C10orf120: variants seen among roughly 807,000 people sequenced by gnomAD.
C10orf120 encodes chromosome 10 open reading frame 120.
In C10orf120, 15 loss-of-function variants were observed where a neutral mutation model predicts 10.8. The ratio of observed to expected loss-of-function variants is 1.39; its 90% CI spans 0.93 to 2.14. The LOEUF (loss-of-function observed/expected upper bound fraction) is 2.14. Ranked by LOEUF, C10orf120 falls within the 30% of genes most tolerant of loss-of-function variation. The pLI is 0.00. For missense variants in C10orf120, 447 were observed against 411.3 expected, an observed-to-expected ratio of 1.09 and a Z score of -0.75; for synonymous variants, 141 against 138.9, an observed-to-expected ratio of 1.02 and a Z score of -0.11.
chr10:122,699,567 C>T (rs1411263174), intron 1 of C10orf120, 48 bp downstream of exon 1: 1 of 1,548,624 alleles, frequency 6.5e-7, no homozygotes, highest in East Asian at 2.3e-5. Context: ...GGCTTCTCCA[C>T]TTGGCCTCTT....
intron 2 of C10orf120, 83 bp downstream of exon 2, chr10:122,699,254 T>C: frequency 2.4e-6 from 2 of 834,260 alleles, no homozygotes; most frequent in South Asian, 3.1e-5. Context: ...CTGTTACTGG[T>C]GGCTTCTGAA....
Position 122,698,349 on chromosome 10 carries a change from G to A in C10orf120, c.392C>T (p.Ser131Phe), listed in dbSNP as rs1845818684. 2.5e-6 allele frequency: 4 copies of A among 1,614,236 alleles called. No homozygotes were observed. The South Asian group carries it at 3.3e-5, about 13-fold the overall frequency. The change falls in exon 3 of 3, where the codon TCT (serine) becomes TTT (phenylalanine). Residue 131 changes from serine (S) to phenylalanine (F), a missense_variant. Physicochemically the swap from Ser to Phe is radical, Grantham distance 155. Transcript: ENST00000329446. ...TAGGGGTACACAAATAGCACAAGGA[G>A]AGGAATGTTTCTTTTTATACTCCAT... Reference protein sequence around the residue: ...QAMEYKKKHSSPCAICVPLEK... With the variant: ...QAMEYKKKHSFPCAICVPLEK...
In C10orf120 at chr10:122,697,978, A is replaced by G; in HGVS notation, c.763T>C (p.Cys255Arg). The change falls in exon 3 of 3, where the codon TGT becomes CGT. Residue 255 changes from cysteine (C) to arginine (R), a missense_variant. Cys to Arg is a radical substitution (Grantham distance 180). Transcript: ENST00000329446. ...CGATCATTTCCATGGTATGTTAAAC[A>G]TTTTTTTGGTTCTTTTGACTTGAAA... Reference protein sequence around the residue: ...VVFKSKEPKKCLTYHGNDRKS... With the variant: ...VVFKSKEPKKRLTYHGNDRKS... The G allele has an allele frequency of 6.2e-7, 1 of 1,609,806 alleles. No homozygotes were observed.
rs1845809624 is a variant in C10orf120 at position 122,697,964 on chromosome 10, A to G, written c.777T>C (p.His259=). 2.5e-6 allele frequency: 4 copies of G among 1,613,042 alleles called. No homozygotes were observed. The highest frequency in any genetic ancestry group is 3.4e-6 in the Non-Finnish European group (4 of 1,179,760). Residue 259 remains histidine (H), a synonymous_variant, in exon 3 of 3, where the codon CAT becomes CAC. Transcript: ENST00000329446. ...GGAGGAATGATTTGCGATCATTTCCATGGTATGTTAAACATTTTTTTGGTT... is the reference window on the plus strand; with the variant it reads ...GGAGGAATGATTTGCGATCATTTCCGTGGTATGTTAAACATTTTTTTGGTT... The part of the protein sequence containing the change: ...SKEPKKCLTY[H]GNDRKSFLPA...
intron 2 of C10orf120, among the ~76,000 whole-genome samples, 168 bp downstream of exon 2, chr10:122,699,169 A>AAAAAAAAAAAT (rs1845827571): frequency 6.7e-6 from 1 of 148,608 alleles, no homozygotes. Context: ...AAAAAAAAAA[A>AAAAAAAAAAAT]GAGTATTTTG....
chr10:122,698,107 C>G lies in C10orf120; in HGVS notation c.634G>C (p.Glu212Gln), dbSNP rs1591669915. ...CAATTATGGGTGTCATAGTTGTCTT[C>G]CTTTCGTCTGGCCTTATTTTTTGCC... Reference protein sequence around the residue: ...PMAKNKARRKEDNYDTHNCDD... With the variant: ...PMAKNKARRKQDNYDTHNCDD... The change falls in exon 3 of 3, where the codon GAA becomes CAA. Residue 212 changes from glutamate to glutamine, a missense_variant. Transcript: ENST00000329446. The G allele has an allele frequency of 6.2e-7, 1 of 1,613,806 alleles. No homozygotes were observed. The highest frequency in any genetic ancestry group is 1.3e-5 in the African/African-American group (1 of 74,880).
chr10:122,698,625 T>C, intron 2 of C10orf120, 137 bp from the exon 3 acceptor site: 1 of 763,214 alleles, frequency 1.3e-6, no homozygotes, highest in Non-Finnish European at 2.2e-6. Context: ...AGGTGAACCT[T>C]TGGCGTCAGA....
chr10:122,698,633 A>G, intron 2 of C10orf120, 145 bp from the exon 3 acceptor site: 1 of 741,956 alleles, frequency 1.3e-6, no homozygotes, highest in Non-Finnish European at 2.3e-6. Context: ...CTTTGGCGTC[A>G]GATAACCTTG....
chr10:122,697,713 C>A lies in C10orf120; in HGVS notation c.*20G>T, dbSNP rs765034980. On this transcript the variant is annotated 3_prime_UTR_variant, in exon 3 of 3. Transcript: ENST00000329446. Reference sequence around the variant, plus strand: ...AATAAGGACTAGTACACCTGGTTACCCTGGGCAACAAATAAAACTTTAATA... The same window carrying A: ...AATAAGGACTAGTACACCTGGTTACACTGGGCAACAAATAAAACTTTAATA... The A allele has an allele frequency of 6.2e-7, 1 of 1,610,214 alleles. No homozygotes were observed. The highest frequency in any genetic ancestry group is 2.2e-5 in the East Asian group (1 of 44,862).
intron 2 of C10orf120, 77 bp from the exon 3 acceptor site, chr10:122,698,565 G>A (rs1845821559): frequency 7.4e-7 from 1 of 1,352,160 alleles, no homozygotes; most frequent in Non-Finnish European, 1.0e-6. Context: ...GCTAGTGGCT[G>A]GTTCTCCCTC....
At position 122,699,416 on chromosome 10, in the gene C10orf120, C is replaced by T. The variant is rs1009266765; in HGVS notation, c.177-4G>A. The T allele has an allele frequency of 6.2e-7, 1 of 1,608,440 alleles. No homozygotes were observed. Among genetic ancestry groups the T allele is most frequent in the African/African-American group, 1.3e-5 (1 of 74,774 alleles). ...TCTGTAGAATTTGCTCCATATCCTG[C>T]AAGAAGAGAAGCAGGAATATCAGAA... On this transcript the variant is annotated splice_region_variant and splice_polypyrimidine_tract_variant and intron_variant, in intron 1 of 2. Transcript: ENST00000329446.
chr10:122,697,737 T>G lies in C10orf120; in HGVS notation c.1004A>C (p.Tyr335Ser), dbSNP rs375207612. ...ERMRKATPYH[Y>S] ...CCCTGGGCAACAAATAAAACTTTAA[T>G]AATGATAAGGAGTTGCTTTACGCAT... Residue 335 changes from tyrosine to serine, a missense_variant, in exon 3 of 3, where the codon TAT becomes TCT. Physicochemically the swap from Tyr to Ser is moderately radical, Grantham distance 144. Coordinates refer to ENST00000329446, the MANE Select transcript of C10orf120 (RefSeq NM_001010912.4). 1.1e-5 allele frequency: 18 copies of G among 1,613,852 alleles called. No individual in the cohort carries two copies. In the African/African-American group the frequency reaches 2.3e-4, roughly 20 times the overall value.
Position 122,698,285 on chromosome 10 carries a change from C to T in C10orf120, c.456G>A (p.Glu152=), listed in dbSNP as rs749796267. 21 of 1,614,180 alleles carry T rather than the reference C, an allele frequency of 1.3e-5. No homozygotes were observed. Among genetic ancestry groups the T allele is most frequent in the Non-Finnish European group, 1.6e-5 (19 of 1,180,040 alleles). ...GCTCTCGTTGTGGCATTTTAAATGC[C>T]TCCAGGGGCGCAATCACCTTTGCTG... ...IWTAKVIAPL[E]AFKMPQREQV... Residue 152 remains glutamate, a synonymous_variant, in exon 3 of 3, where the codon GAG becomes GAA. Transcript: ENST00000329446.
chr10:122,699,524 G>A (rs991101633), intron 1 of C10orf120, 91 bp downstream of exon 1: 25 of 1,438,948 alleles, frequency 1.7e-5, no homozygotes, highest in East Asian at 1.1e-4. Context: ...GGCTGAGGCC[G>A]CCATGAGCAG....
At position 122,699,624 on chromosome 10, in the gene C10orf120, G is replaced by A; in HGVS notation, c.167C>T (p.Ser56Leu). Residue 56 changes from serine to leucine, a missense_variant, in exon 1 of 3, where the codon TCA (serine) becomes TTA (leucine). By Grantham distance (145) the Ser-to-Leu change is moderately radical. Coordinates refer to ENST00000329446, the MANE Select transcript of C10orf120 (RefSeq NM_001010912.4). ...TGCAAGTCAGACTCACCGCAACGGT[G>A]AAGCAGAACTCAGATCCTCTTGGCA... The part of the protein sequence containing the change: ...TCCQEDLSSA[S>L]PLRIWSKFYR... The A allele has an allele frequency of 1.2e-6, 2 of 1,609,124 alleles. No individual in the cohort carries two copies. The highest frequency in any genetic ancestry group is 3.3e-4 in the Middle Eastern group (2 of 6,006).
Position 122,697,881 on chromosome 10 carries a change from A to G in C10orf120, c.860T>C (p.Ile287Thr), listed in dbSNP as rs1304201341. Residue 287 changes from isoleucine (I) to threonine (T), a missense_variant, in exon 3 of 3, where the codon ATA becomes ACA. Coordinates refer to ENST00000329446, the MANE Select transcript of C10orf120 (RefSeq NM_001010912.4). Reference sequence around the variant, plus strand: ...CATTAAGTCACCAGGGAATTCTGATATGCAGAAAAGATTTCGGTTTGTTAG... The same window carrying G: ...CATTAAGTCACCAGGGAATTCTGATGTGCAGAAAAGATTTCGGTTTGTTAG... ...AGLTNRNLFC[I>T]SEFPGDLMLM... 1.2e-6 allele frequency: 2 copies of G among 1,614,222 alleles called. No homozygotes were observed. The highest frequency in any genetic ancestry group is 8.5e-7 in the Non-Finnish European group (1 of 1,180,044).
Position 122,697,936 on chromosome 10 carries a change from C to G in C10orf120, c.805G>C (p.Ala269Pro). ...HGNDRKSFLP[A>P]KKPERSIAGL... Reference sequence around the variant, plus strand: ...GCGATGGACCGTTCCGGTTTCTTTGCGGGGAGGAATGATTTGCGATCATTT... The same window carrying G: ...GCGATGGACCGTTCCGGTTTCTTTGGGGGGAGGAATGATTTGCGATCATTT... The change falls in exon 3 of 3, where the codon GCA becomes CCA. Residue 269 changes from alanine to proline, a missense_variant. Coordinates refer to ENST00000329446, the MANE Select transcript of C10orf120 (RefSeq NM_001010912.4). 6.2e-7 allele frequency: 1 copy of G among 1,613,816 alleles called. No individual in the cohort carries two copies. The highest frequency in any genetic ancestry group is 8.5e-7 in the Non-Finnish European group (1 of 1,179,956).
At position 122,698,123 on chromosome 10, in the gene C10orf120, A is replaced by AT. The variant is rs768151921; in HGVS notation, c.617dup (p.Asn206LysfsTer2). The AT allele has an allele frequency of 6.2e-7, 1 of 1,613,412 alleles. No individual in the cohort carries two copies. The highest frequency in any genetic ancestry group is 8.5e-7 in the Non-Finnish European group (1 of 1,179,894). ...AGTTGTCTTCCTTTCGTCTGGCCTTATTTTTTGCCATTGGACCCAGGCCCA... is the reference window on the plus strand; with the variant it reads ...AGTTGTCTTCCTTTCGTCTGGCCTTATTTTTTTGCCATTGGACCCAGGCCCA... On this transcript the variant is annotated frameshift_variant, in exon 3 of 3. Coordinates refer to ENST00000329446, the MANE Select transcript of C10orf120 (RefSeq NM_001010912.4). LOFTEE classifies it low-confidence loss of function (END_TRUNC).
intron 1 of C10orf120, 57 bp from the exon 2 acceptor site, chr10:122,699,469 C>A: frequency 6.6e-7 from 1 of 1,513,734 alleles, no homozygotes; most frequent in Non-Finnish European, 9.2e-7. Context: ...CTACTTTTCC[C>A]TCCTGGAGTG....
Sources: allele counts gnomAD v4.1 joint callset (sites outside exome capture counted in the v4.1 genomes callset), GRCh38; gene constraint gnomAD v4.1.1; transcripts MANE v1.5; gene names NCBI Gene and HGNC (gene_info 2026-07-23, HGNC 2026-07-21).